Variants in PTPRD observed in about 807,000 individuals in gnomAD.
PTPRD encodes the protein protein tyrosine phosphatase receptor type D, also known as receptor-type tyrosine-protein phosphatase delta.
A neutral mutation model predicts 214.5 loss-of-function variants in PTPRD; 34 were observed. That is an observed-to-expected ratio of 0.16 (90% CI 0.12 to 0.21). The LOEUF is 0.21. PTPRD is among the 10% of genes least tolerant of loss of function. The pLI, the probability that PTPRD is intolerant of heterozygous loss-of-function variation, is 1.00. For missense variants in PTPRD, 2,545 were observed against 2,398.7 expected, an observed-to-expected ratio of 1.06 and a Z score of -1.27; for synonymous variants, 1,128 against 845.7, an observed-to-expected ratio of 1.33 and a Z score of -5.79.
chr9:9,540,973 G>C (rs1465125804), intron 8 of PTPRD, among the ~76,000 whole-genome samples: 1 of 149,374 alleles, frequency 6.7e-6, no homozygotes, highest in African/African-American at 2.4e-5. Context: ...TAACTTATCA[G>C]ATAGCTGAAG....
chr9:9,423,307 A>G (rs944923623), intron 8 of PTPRD, among the ~76,000 whole-genome samples: 6 of 152,124 alleles, frequency 3.9e-5, no homozygotes, highest in African/African-American at 1.4e-4. Context: ...TCACAGAATA[A>G]GAGACCAGGG....
At chr9:9,472,798 C>T (rs1393485915) in intron 8 of PTPRD, among the ~76,000 whole-genome samples, 1 of 152,056 alleles carries the variant, frequency 6.6e-6, no homozygotes, top group Non-Finnish European at 1.5e-5. Flanking sequence ...TGAAATAAAA[C>T]ATTTCAACTC....
At chr9:9,079,894 T>C (rs1162301758) in intron 10 of PTPRD, among the ~76,000 whole-genome samples, 4 of 152,086 alleles carry the variant, frequency 2.6e-5, no homozygotes, top group Non-Finnish European at 5.9e-5. Flanking sequence ...TTGGTGATGA[T>C]GTGTTGCTGG....
At chr9:8,756,504 G>C (rs1010420002) in intron 11 of PTPRD, among the ~76,000 whole-genome samples, 3 of 152,164 alleles carry the variant, frequency 2.0e-5, no homozygotes, top group Non-Finnish European at 4.4e-5. Context: ...AAAGGAGACT[G>C]TGGTATCCAT....
At chr9:8,921,991 A>G (rs1225707799) in intron 11 of PTPRD, among the ~76,000 whole-genome samples, 1 of 151,964 alleles carries the variant, frequency 6.6e-6, no homozygotes, top group East Asian at 1.9e-4. Flanking sequence ...AAAGACAGAT[A>G]GAATCCCAGT....
intron 10 of PTPRD, among the ~76,000 whole-genome samples, chr9:9,148,749 AC>A (rs2099872883): frequency 6.6e-6 from 1 of 152,222 alleles, no homozygotes; most frequent in Non-Finnish European, 1.5e-5. Flanking sequence ...CTCTAAGACA[AC>A]GAATAGCTCA....
At chr9:9,404,465 G>A (rs529889088) in intron 8 of PTPRD, among the ~76,000 whole-genome samples, 1 of 152,084 alleles carries the variant, frequency 6.6e-6, no homozygotes, top group Non-Finnish European at 1.5e-5. Flanking sequence ...GTGAAAAAAA[G>A]ATATTAAGGA....
chr9:9,519,289 AG>A (rs1445390856), intron 8 of PTPRD, among the ~76,000 whole-genome samples: 2 of 134,302 alleles, frequency 1.5e-5, no homozygotes, highest in Non-Finnish European at 3.5e-5. Flanking sequence ...ATATAAAAAC[AG>A]GAAAAAAAAA....
At chr9:9,538,149 A>G (rs1248647345) in intron 8 of PTPRD, among the ~76,000 whole-genome samples, 1 of 151,902 alleles carries the variant, frequency 6.6e-6, no homozygotes, top group African/African-American at 2.4e-5. Flanking sequence ...CATATTTCGC[A>G]GTGGTGTTTC....
At chr9:8,373,645 G>C (rs1250121805) in intron 39 of PTPRD, among the ~76,000 whole-genome samples, 3 of 79,228 alleles carry the variant, frequency 3.8e-5, no homozygotes, top group Non-Finnish European at 6.9e-5. Flanking sequence ...GTGTGTGTGT[G>C]TGTGTGTGTG....
intron 35 of PTPRD, among the ~76,000 whole-genome samples, chr9:8,412,400 G>C (rs1432085094): frequency 6.6e-6 from 1 of 152,158 alleles, no homozygotes; most frequent in African/African-American, 2.4e-5. Context: ...TAGTAAATTA[G>C]TGTTTTAGTA....
At chr9:10,581,416 T>A (rs903403599) in intron 2 of PTPRD, among the ~76,000 whole-genome samples, 1 of 152,194 alleles carries the variant, frequency 6.6e-6, no homozygotes, top group Non-Finnish European at 1.5e-5. Flanking sequence ...TTCATAGCTA[T>A]AACCAAACAA....
chr9:10,026,829 C>T (rs1025612746), intron 4 of PTPRD, among the ~76,000 whole-genome samples: 1 of 149,264 alleles, frequency 6.7e-6, no homozygotes, highest in Non-Finnish European at 1.5e-5. Context: ...GTTGCGGTCT[C>T]ACAAGCAAGT....
chr9:9,719,966 C>T (rs954762324), intron 7 of PTPRD, among the ~76,000 whole-genome samples: 5 of 152,140 alleles, frequency 3.3e-5, no homozygotes, highest in Admixed American at 2.0e-4. Context: ...CAGGACCCCA[C>T]GCTTGATTGT....
intron 10 of PTPRD, among the ~76,000 whole-genome samples, chr9:9,089,594 TC>T (rs1455186879): frequency 2.0e-5 from 3 of 152,214 alleles, no homozygotes; most frequent in African/African-American, 7.2e-5. Context: ...CTATCACTAT[TC>T]TATTAAGGTT....
chr9:9,827,734 G>T (rs2053436137), intron 5 of PTPRD, among the ~76,000 whole-genome samples: 1 of 152,096 alleles, frequency 6.6e-6, no homozygotes, highest in South Asian at 2.1e-4. Flanking sequence ...TACAGAATGG[G>T]AGAAAATGTT....
chr9:9,666,745 G>C (rs2096730323), intron 7 of PTPRD, among the ~76,000 whole-genome samples: 1 of 151,840 alleles, frequency 6.6e-6, no homozygotes, highest in African/African-American at 2.4e-5. Context: ...CCCCTTCAAT[G>C]AGTTCCACAC....
intron 3 of PTPRD, among the ~76,000 whole-genome samples, chr9:10,286,086 A>G (rs1565036213): frequency 6.6e-6 from 1 of 152,186 alleles, no homozygotes; most frequent in East Asian, 1.9e-4. Context: ...TGTTAAATAT[A>G]TATTTATGTA....
At chr9:8,588,310 G>A (rs1292507219) in intron 14 of PTPRD, among the ~76,000 whole-genome samples, 3 of 152,158 alleles carry the variant, frequency 2.0e-5, no homozygotes, top group African/African-American at 7.2e-5. Flanking sequence ...TAAGAAGCCA[G>A]CTGTAGTCTT....
Sources: allele counts gnomAD v4.1 joint callset (sites outside exome capture counted in the v4.1 genomes callset), GRCh38; gene constraint gnomAD v4.1.1; transcripts MANE v1.5; gene names NCBI Gene and HGNC (gene_info 2026-07-23, HGNC 2026-07-21).